FANCA: variants seen among roughly 807,000 people sequenced by gnomAD.
FANCA encodes the protein FA complementation group A.
A neutral mutation model predicts 194.3 loss-of-function variants in FANCA; 236 were observed. The ratio of observed to expected loss-of-function variants is 1.21; its 90% CI spans 1.09 to 1.35. FANCA has a LOEUF of 1.35. Among genes scored for constraint, FANCA ranks in the 40% most tolerant of loss-of-function variants. FANCA has a pLI of 0.00. For missense variants in FANCA, 2,628 were observed against 1,813.9 expected (o/e 1.45, Z -8.15); for synonymous variants, 1,014 against 715.8 (o/e 1.42, Z -6.65).
chr16:89,795,832 G>C, intron 11 of FANCA, 74 bp downstream of exon 11: 1 of 1,064,544 alleles, frequency 9.4e-7, no homozygotes, highest in Non-Finnish European at 1.5e-6. Context: ...TCTCCAGTCA[G>C]CGTTACCAAG....
At chr16:89,801,663 G>A (rs998152687) in intron 8 of FANCA, among the ~76,000 whole-genome samples, 1 of 152,124 alleles carries the variant, frequency 6.6e-6, no homozygotes, top group Non-Finnish European at 1.5e-5. Flanking sequence ...GCCAAGGCAG[G>A]CAGATCATGA....
chr16:89,779,200 G>T (rs2039618574), intron 18 of FANCA, among the ~76,000 whole-genome samples, 197 bp from the exon 19 acceptor site: 2 of 152,068 alleles, frequency 1.3e-5, no homozygotes, highest in Admixed American at 6.6e-5. Context: ...TGAGTCCGTG[G>T]GAATCAGGAC....
At chr16:89,740,769 G>A (rs1474133129) in intron 38 of FANCA, 35 bp downstream of exon 38, 1 of 1,600,760 alleles carries the variant, frequency 6.2e-7, no homozygotes, top group East Asian at 2.2e-5. Context: ...GCCCACAGTG[G>A]GAGAGGACAC....
rs1363693710 is a variant in FANCA, at chr16:89,749,864, T to TGGG, written c.3104_3105insCCC (p.Ile1035_Val1036insPro). 1 of 1,614,162 alleles carries TGGG rather than the reference T, an allele frequency of 6.2e-7. No individual in the cohort carries two copies. The stretch of plus-strand genomic sequence containing the variant: ...GGGAAGGGGTGTGGCCGAGAGGCAC[T>TGGG]ATGAGGTCTTGCTGCAGCTCCAGGT... On this transcript the variant is annotated inframe_insertion, in exon 32 of 43. Transcript: ENST00000389301.
intron 14 of FANCA, among the ~76,000 whole-genome samples, chr16:89,787,929 A>G (rs1023003594): frequency 1.3e-5 from 2 of 151,648 alleles, no homozygotes; most frequent in African/African-American, 2.4e-5. Flanking sequence ...GCTGGAGTGC[A>G]GTGGTCTGAT....
At chr16:89,787,246 G>A (rs1315924096) in intron 14 of FANCA, among the ~76,000 whole-genome samples, 3 of 151,982 alleles carry the variant, frequency 2.0e-5, no homozygotes, top group South Asian at 2.1e-4. Flanking sequence ...CAGGACGGCC[G>A]GGCGCGGTGG....
At chr16:89,780,203 C>T (rs774568337) in intron 17 of FANCA, among the ~76,000 whole-genome samples, 1 of 152,184 alleles carries the variant, frequency 6.6e-6, no homozygotes, top group Non-Finnish European at 1.5e-5. Flanking sequence ...CCGTGATGTG[C>T]GGCCCTCCTC....
Position 89,765,066 on chromosome 16 carries a change from A to C in FANCA, c.2602T>G (p.Phe868Val), listed in dbSNP as rs1555545588. The C allele has an allele frequency of 5.0e-6, 8 of 1,614,082 alleles. No individual in the cohort carries two copies. Among genetic ancestry groups the C allele is most frequent in the East Asian group, 2.2e-5 (1 of 44,884 alleles). ...SCLSPGLIKKFQFLMFRLFSE... is the reference protein window; with the variant it reads ...SCLSPGLIKKVQFLMFRLFSE... ...AACAATCTGAACATGAGGAACTGAA[A>C]CTGAAACAGAGAGTGACCCGGCCGT... Residue 868 changes from phenylalanine (F) to valine (V), a missense_variant and splice_region_variant, in exon 28 of 43, where the codon TTT becomes GTT. Coordinates refer to ENST00000389301, the MANE Select transcript of FANCA (RefSeq NM_000135.4).
intron 15 of FANCA, among the ~76,000 whole-genome samples, chr16:89,783,394 C>G (rs561051539): frequency 1.8e-4 from 27 of 151,648 alleles, no homozygotes; most frequent in African/African-American, 6.5e-4. Flanking sequence ...ACTAAAAATA[C>G]AAAAAAATTA....
intron 20 of FANCA, among the ~76,000 whole-genome samples, chr16:89,776,026 T>C (rs2039489534): frequency 6.6e-6 from 1 of 151,718 alleles, no homozygotes; most frequent in South Asian, 2.1e-4. Context: ...ATTAATCATA[T>C]ATTAATATCT....
chr16:89,743,031 G>A, intron 36 of FANCA, 93 bp from the exon 37 acceptor site: 1 of 1,455,668 alleles, frequency 6.9e-7, no homozygotes, highest in Non-Finnish European at 9.3e-7. Context: ...TCACCTTTGG[G>A]GCCTGCCTTT....
Position 89,764,965 on chromosome 16 carries a change from T to C in FANCA, c.2703A>G (p.Ala901=), listed in dbSNP as rs2143288685. The C allele has an allele frequency of 6.2e-7, 1 of 1,614,216 alleles. No individual in the cohort carries two copies. The highest frequency in any genetic ancestry group is 2.2e-5 in the East Asian group (1 of 44,878). Residue 901 remains alanine (A), a synonymous_variant, in exon 28 of 43, where the codon GCA becomes GCG. Coordinates refer to ENST00000389301, the MANE Select transcript of FANCA (RefSeq NM_000135.4). ...LSWRPLHLPS[A]DWQRAALSLW... ...GAGAGAGGGCAGCTCTCTGCCAGTC[T>C]GCAGAAGGAAGGTGCAAGGGTCTCC...
chr16:89,764,782 T>C, intron 28 of FANCA, 108 bp downstream of exon 28: 1 of 1,315,750 alleles, frequency 7.6e-7, no homozygotes, highest in Non-Finnish European at 1.1e-6. Flanking sequence ...CGTGGCATGA[T>C]GCAGGGGAAG....
chr16:89,816,147 G>C (rs779793035), intron 1 of FANCA, 161 bp from the exon 2 acceptor site: 3 of 682,684 alleles, frequency 4.4e-6, no homozygotes, highest in Admixed American at 4.1e-5. Context: ...AACTAACGGA[G>C]ACGGCCCCAC....
intron 28 of FANCA, among the ~76,000 whole-genome samples, chr16:89,762,486 T>C (rs575079740): frequency 6.7e-6 from 1 of 150,226 alleles, no homozygotes; most frequent in Non-Finnish European, 1.5e-5. Flanking sequence ...CCCAGCCTCT[T>C]GGGAGGCTGA....
intron 29 of FANCA, among the ~76,000 whole-genome samples, chr16:89,761,459 C>T (rs949966509): frequency 3.7e-4 from 55 of 149,466 alleles, no homozygotes; most frequent in Non-Finnish European, 1.5e-4. Context: ...ATTGCCACCG[C>T]GTGGAAGCTT....
chr16:89,809,963 T>C (rs556401537), intron 5 of FANCA, among the ~76,000 whole-genome samples: 65 of 152,040 alleles, frequency 4.3e-4, no homozygotes, highest in African/African-American at 1.6e-3. Context: ...GAGGCAGACG[T>C]TGCAGTGAGC....
rs374579239 is a variant in FANCA at position 89,783,122 on chromosome 16, C to A, written c.1471-20G>T. 1 of 1,585,012 alleles carries A rather than the reference C, an allele frequency of 6.3e-7. No individual in the cohort carries two copies. The highest frequency in any genetic ancestry group is 8.7e-7 in the Non-Finnish European group (1 of 1,154,600). On this transcript the variant is annotated intron_variant, in intron 15 of 42. Transcript: ENST00000389301. ...GTGCACCTGAGGATAGATAGCAGAG[C>A]GCAGCACCGTTAGTCTGGGAACTGC...
rs750970650 is a variant in FANCA at position 89,783,119 on chromosome 16, G to A, written c.1471-17C>T. The stretch of plus-strand genomic sequence containing the variant: ...AATGTGCACCTGAGGATAGATAGCA[G>A]AGCGCAGCACCGTTAGTCTGGGAAC... On this transcript the variant is annotated splice_polypyrimidine_tract_variant and intron_variant, in intron 15 of 42. Coordinates refer to ENST00000389301, the MANE Select transcript of FANCA (RefSeq NM_000135.4). 2.5e-5 allele frequency: 39 copies of A among 1,590,562 alleles called. No individual in the cohort carries two copies. The highest frequency in any genetic ancestry group is 3.3e-5 in the Non-Finnish European group (38 of 1,159,558).
Sources: allele counts gnomAD v4.1 joint callset (sites outside exome capture counted in the v4.1 genomes callset), GRCh38; gene constraint gnomAD v4.1.1; transcripts MANE v1.5; gene names NCBI Gene and HGNC (gene_info 2026-07-23, HGNC 2026-07-21).